The following EEF1E1 variants were observed in gnomAD, a reference collection of about 807,000 sequenced individuals.
The protein encoded by EEF1E1 is eukaryotic translation elongation factor 1 epsilon-1.
A neutral mutation model predicts 19.9 loss-of-function variants in EEF1E1; 19 were observed. The ratio of observed to expected loss-of-function variants is 0.95; its 90% CI spans 0.66 to 1.40. The LOEUF (loss-of-function observed/expected upper bound fraction) is 1.40, where lower values mean the gene tolerates loss of function less well. EEF1E1 is among the 40% of genes most tolerant of loss of function. The pLI, the probability that EEF1E1 is intolerant of heterozygous loss-of-function variation, is 0.00. For missense variants in EEF1E1, 198 were observed against 202.2 expected (o/e 0.98, Z 0.13); for synonymous variants, 81 against 80.0 (o/e 1.01, Z -0.07).
intron 1 of EEF1E1, among the ~76,000 whole-genome samples, chr6:8,100,588 T>G (rs1051141823): frequency 1.3e-5 from 2 of 152,154 alleles, no homozygotes; most frequent in African/African-American, 4.8e-5. Flanking sequence ...GTTAGCTCAC[T>G]GCAACCTTGG....
At chr6:8,076,953 T>TTTTTG (rs1561879341), downstream of EEF1E1, among the ~76,000 whole-genome samples, 1 of 146,056 alleles carries the variant, frequency 6.8e-6, no homozygotes, top group Non-Finnish European at 1.5e-5. Context: ...TTTTGTTTTT[T>TTTTTG]TTTTTTTGAG....
downstream of EEF1E1, among the ~76,000 whole-genome samples, chr6:8,079,224 G>A (rs1757667381): frequency 6.6e-6 from 1 of 152,086 alleles, no homozygotes. Flanking sequence ...CTTACAGGAG[G>A]AAGAATTTCC....
intron 2 of EEF1E1, among the ~76,000 whole-genome samples, chr6:8,096,886 A>G (rs1758189548): frequency 6.6e-6 from 1 of 152,184 alleles, no homozygotes; most frequent in Non-Finnish European, 1.5e-5. Flanking sequence ...TGCCTCTGAG[A>G]AAGTACTTTA....
chr6:8,102,086 G>C, intron 1 of EEF1E1: 1 of 1,200,092 alleles, frequency 8.3e-7, no homozygotes. Context: ...GTGCGATTAC[G>C]GGAAAAAAAA....
rs535784064 is a variant in EEF1E1 at position 8,088,647 on chromosome 6, C to A, written c.384+1539G>T. On this transcript the variant is annotated intron_variant, in intron 3 of 3. Transcript: ENST00000379715. ...CCAGCCACTGTTAAGTCCATTAAACCCTTTTTCCTGTATATATATTACCCA... is the reference window on the plus strand; with the variant it reads ...CCAGCCACTGTTAAGTCCATTAAACACTTTTTCCTGTATATATATTACCCA... 2.6e-5 allele frequency among the ~76,000 whole-genome samples: 4 copies of A among 152,260 alleles called. No individual in the cohort carries two copies. The South Asian group carries it at 6.2e-4, about 24-fold the overall frequency.
chr6:8,101,853 T>C (rs1182660324), intron 1 of EEF1E1: 3 of 1,286,822 alleles, frequency 2.3e-6, no homozygotes, highest in Admixed American at 2.3e-5. Flanking sequence ...ATCCCCTAGA[T>C]TGGGCCAAGA....
chr6:8,094,877 G>A (rs756827685), intron 2 of EEF1E1, among the ~76,000 whole-genome samples: 2 of 152,042 alleles, frequency 1.3e-5, no homozygotes, highest in Admixed American at 6.6e-5. Context: ...AATAGTAAAC[G>A]TATTCCCTCC....
intron 3 of EEF1E1, 74 bp downstream of exon 3, chr6:8,090,112 T>G: frequency 7.7e-7 from 1 of 1,293,314 alleles, no homozygotes; most frequent in Non-Finnish European, 1.1e-6. Context: ...AAATCTGATT[T>G]AAATTCAAGA....
intron 1 of EEF1E1, among the ~76,000 whole-genome samples, chr6:8,100,923 G>T (rs1372109055): frequency 6.8e-6 from 1 of 146,726 alleles, no homozygotes; most frequent in Non-Finnish European, 1.5e-5. Context: ...CTTGGCAATG[G>T]TCCCTAAAAA....
At chr6:8,096,835 G>GT (rs936249166) in intron 2 of EEF1E1, among the ~76,000 whole-genome samples, 1 of 151,994 alleles carries the variant, frequency 6.6e-6, no homozygotes, top group South Asian at 2.1e-4. Flanking sequence ...AGATCAGACA[G>GT]TTTTTTTCAA....
At chr6:8,102,272 CG>C (rs1158593364) in intron 1 of EEF1E1, among the ~76,000 whole-genome samples, 162 bp downstream of exon 1, 27 of 152,250 alleles carry the variant, frequency 1.8e-4, no homozygotes, top group African/African-American at 4.6e-4. Flanking sequence ...TGGCAGGGGC[CG>C]AGGCCCAGAG....
intron 3 of EEF1E1, among the ~76,000 whole-genome samples, chr6:8,087,858 A>G (rs1033380990): frequency 6.6e-6 from 1 of 152,232 alleles, no homozygotes; most frequent in Non-Finnish European, 1.5e-5. Flanking sequence ...GACTGGATGC[A>G]TGAGGTGCAC....
At chr6:8,086,118 G>C (rs1159296025) in intron 3 of EEF1E1, among the ~76,000 whole-genome samples, 2 of 152,044 alleles carry the variant, frequency 1.3e-5, no homozygotes, top group Non-Finnish European at 2.9e-5. Context: ...AGGGATCTTT[G>C]AGGAACAATT....
chr6:8,100,592 A>T (rs1241096905), intron 1 of EEF1E1, among the ~76,000 whole-genome samples: 5 of 152,106 alleles, frequency 3.3e-5, no homozygotes, highest in Non-Finnish European at 7.4e-5. Flanking sequence ...GCTCACTGCA[A>T]CCTTGGTGTT....
rs768224090 is a variant in EEF1E1 at position 8,099,791 on chromosome 6, C to CACACACACACAA, written c.88-2325_88-2324insTTGTGTGTGTGT. Reference sequence around the variant, plus strand: ...ACACACACACACACACACACACACACAAAAAAAAAACAGAACCCTCTATAA... The same window carrying CACACACACACAA: ...ACACACACACACACACACACACACACACACACACACAAAAAAAAAAAACAGAACCCTCTATAA... On this transcript the variant is annotated intron_variant, in intron 1 of 3. Transcript: ENST00000379715. Among the ~76,000 whole-genome samples the CACACACACACAA allele has an allele frequency of 2.6e-3, 295 of 114,636 alleles. 5 individuals are homozygous for CACACACACACAA. The highest frequency in any genetic ancestry group is 8.9e-3 in the African/African-American group (267 of 30,090). The allele number at this position is 114,636 out of a possible 152,430, so 75.2% of individuals were successfully genotyped here. A position where few individuals can be genotyped will look rare whatever the true frequency, so the allele number is the denominator to read the frequency against.
intron 3 of EEF1E1, among the ~76,000 whole-genome samples, chr6:8,082,421 T>C (rs1463044193): frequency 2.0e-5 from 3 of 152,142 alleles, no homozygotes; most frequent in Non-Finnish European, 4.4e-5. Context: ...GGGACTACAG[T>C]CACATACCAC....
chr6:8,093,701 C>T (rs2113658712), intron 2 of EEF1E1, among the ~76,000 whole-genome samples: 2 of 151,470 alleles, frequency 1.3e-5, no homozygotes, highest in Middle Eastern at 6.8e-3. Context: ...AGTACAAACA[C>T]AGGCAAGGAA....
At chr6:8,077,546 T>C (rs554021140), downstream of EEF1E1, among the ~76,000 whole-genome samples, 2 of 152,382 alleles carry the variant, frequency 1.3e-5, no homozygotes, top group East Asian at 3.9e-4. Flanking sequence ...ACTTGTGTTA[T>C]GGAGATGGTG....
At chr6:8,096,602 T>G (rs1403277666) in intron 2 of EEF1E1, among the ~76,000 whole-genome samples, 2 of 152,234 alleles carry the variant, frequency 1.3e-5, no homozygotes, top group African/African-American at 4.8e-5. Context: ...TATGCTGTTG[T>G]CTGAATAATC....
Sources: allele counts gnomAD v4.1 joint callset (sites outside exome capture counted in the v4.1 genomes callset), GRCh38; gene constraint gnomAD v4.1.1; transcripts MANE v1.5; gene names NCBI Gene and HGNC (gene_info 2026-07-23, HGNC 2026-07-21).